The following DOCK8 variants were observed in gnomAD, a reference collection of about 807,000 sequenced individuals.
The protein encoded by DOCK8 is dedicator of cytokinesis 8, also known as dedicator of cytokinesis protein 8.
Under a neutral mutation model 245.6 loss-of-function variants are expected in DOCK8, and 141 were observed. The ratio of observed to expected loss-of-function variants is 0.57; its 90% CI spans 0.50 to 0.66. The LOEUF (loss-of-function observed/expected upper bound fraction) is 0.66, where lower values mean the gene tolerates loss of function less well. DOCK8 is among the 30% of genes least tolerant of loss of function. The pLI is 0.00. For missense variants in DOCK8, 2,965 were observed against 2,603.4 expected, an observed-to-expected ratio of 1.14 and a Z score of -3.02; for synonymous variants, 1,168 against 970.2, an observed-to-expected ratio of 1.20 and a Z score of -3.79.
intron 18 of DOCK8, among the ~76,000 whole-genome samples, chr9:374,775 T>G (rs2053454389): frequency 6.6e-6 from 1 of 152,064 alleles, no homozygotes; most frequent in African/African-American, 2.4e-5. Context: ...CCCTTTTTAC[T>G]TTTTTAATGT....
rs2055016674 is a variant in DOCK8, at chr9:400,947, TCA to T, written c.3234+1690_3234+1691del. Among the ~76,000 whole-genome samples, 46 of 28,512 alleles carry T rather than the reference TCA, an allele frequency of 1.6e-3. 3 individuals are homozygous for T. The African/African-American group carries it at 0.02, about 12-fold the overall frequency. 18.7% of individuals were successfully genotyped at this position (28,512 alleles called of 152,430 possible). On this transcript the variant is annotated intron_variant, in intron 26 of 47. Transcript: ENST00000432829. ...ATCACCACAACATCCACCACCACCA[TCA>T]CCACCACCACCACCACCTCCTCCAC... is the stretch of plus-strand genomic sequence containing the variant.
chr9:306,591 A>C (rs545549711), intron 5 of DOCK8, among the ~76,000 whole-genome samples: 13 of 152,288 alleles, frequency 8.5e-5, no homozygotes, highest in African/African-American at 3.1e-4. Context: ...GAAACAGCAC[A>C]CCAGCCTGGG....
At chr9:384,203 G>T (rs571230541) in intron 22 of DOCK8, among the ~76,000 whole-genome samples, 14 of 152,138 alleles carry the variant, frequency 9.2e-5, no homozygotes, top group Admixed American at 7.9e-4. Context: ...TAAAGATTAT[G>T]ATATTATTCA....
At chr9:328,198 A>T in intron 9 of DOCK8, 27 bp downstream of exon 9, 1 of 1,603,802 alleles carries the variant, frequency 6.2e-7, no homozygotes, top group Non-Finnish European at 8.5e-7. Flanking sequence ...TGATTTGCCC[A>T]ATCTGATGTT....
chr9:399,265 T>TG lies in DOCK8; in HGVS notation c.3234+7dup. ...TCAGACATTATTGCAGCCAGGTGAGTGTCCCCCCCACCCCCACCCCCGAGC... is the reference window on the plus strand; with the variant it reads ...TCAGACATTATTGCAGCCAGGTGAGTGGTCCCCCCCACCCCCACCCCCGAGC... On this transcript the variant is annotated splice_region_variant and intron_variant, in intron 26 of 47. Coordinates refer to ENST00000432829, the MANE Select transcript of DOCK8 (RefSeq NM_203447.4). The TG allele has an allele frequency of 4.4e-6, 7 of 1,595,090 alleles. No individual in the cohort carries two copies. The highest frequency in any genetic ancestry group is 6.0e-6 in the Non-Finnish European group (7 of 1,171,510).
At chr9:230,497 A>T (rs1034153823) in intron 1 of DOCK8, among the ~76,000 whole-genome samples, 40 of 152,184 alleles carry the variant, frequency 2.6e-4, no homozygotes, top group Middle Eastern at 3.4e-3. Context: ...CAATGGTTGA[A>T]TTAGTTTACA....
At chr9:444,906 T>TG (rs2057203835) in intron 43 of DOCK8, among the ~76,000 whole-genome samples, 3 of 152,216 alleles carry the variant, frequency 2.0e-5, no homozygotes, top group Non-Finnish European at 4.4e-5. Flanking sequence ...GTGCAAGGTA[T>TG]CATTAAGGGC....
rs549527510 is a variant in DOCK8, at chr9:457,341, T to G, written c.6068+5224T>G. ...CCCAGATGTAAAATCGGAATAATAA[T>G]TGTACCTCTCCCTTGCAGTTAGTGA... is the stretch of plus-strand genomic sequence containing the variant. On this transcript the variant is annotated intron_variant, in intron 46 of 47. Transcript: ENST00000432829. Among the ~76,000 whole-genome samples, 4 of 152,296 alleles carry G rather than the reference T, an allele frequency of 2.6e-5. No homozygotes were observed. In the East Asian group the frequency reaches 7.7e-4, roughly 29 times the overall value.
In DOCK8 at chr9:391,821, C is replaced by CTTTTTTTTT. The variant is rs373810616; in HGVS notation, c.2970+1270_2970+1278dup. On this transcript the variant is annotated intron_variant, in intron 24 of 47. Transcript: ENST00000432829. Reference sequence around the variant, plus strand: ...CTTTCCCCTGTCCCATTAAGTGAATCTTTTTTTTTTTTTTTTTTTTTTTAA... The same window carrying CTTTTTTTTT: ...CTTTCCCCTGTCCCATTAAGTGAATCTTTTTTTTTTTTTTTTTTTTTTTTTTTTTTTTAA... 1.4e-4 allele frequency among the ~76,000 whole-genome samples: 16 copies of CTTTTTTTTT among 116,278 alleles called. 1 individual carries two copies. The highest frequency in any genetic ancestry group is 4.7e-4 in the African/African-American group (15 of 32,222). The allele number at this position is 116,278 out of a possible 152,430, so 76.3% of individuals were successfully genotyped here. A position where few individuals can be genotyped will look rare whatever the true frequency, so the allele number is the denominator to read the frequency against.
At chr9:281,695 GA>G (rs1295650221) in intron 2 of DOCK8, among the ~76,000 whole-genome samples, 5 of 151,892 alleles carry the variant, frequency 3.3e-5, no homozygotes, top group Non-Finnish European at 1.5e-5. Flanking sequence ...GCCTACTCTT[GA>G]GATTAAGACT....
intron 14 of DOCK8, among the ~76,000 whole-genome samples, chr9:353,103 G>A (rs1255935473): frequency 6.6e-6 from 1 of 152,182 alleles, no homozygotes; most frequent in East Asian, 1.9e-4. Flanking sequence ...GCAAATCCCA[G>A]TCTCCTAAGA....
At chr9:369,714 T>C (rs1471377803) in intron 15 of DOCK8, 1 of 166,120 alleles carries the variant, frequency 6.0e-6, no homozygotes, top group Non-Finnish European at 1.3e-5. Flanking sequence ...ATGTGGCCTT[T>C]GGTCACTAAT....
chr9:302,926 G>C (rs922497368), intron 4 of DOCK8, among the ~76,000 whole-genome samples: 2 of 151,670 alleles, frequency 1.3e-5, no homozygotes, highest in African/African-American at 4.8e-5. Context: ...CCAGGAGGTT[G>C]AGACCAGCCT....
intron 17 of DOCK8, 37 bp from the exon 18 acceptor site, chr9:372,148 A>G (rs183278239): frequency 2.9e-4 from 449 of 1,562,864 alleles, no homozygotes; most frequent in Non-Finnish European, 3.9e-4. Flanking sequence ...ATATGCTGTA[A>G]TAAATACCAC....
intron 4 of DOCK8, among the ~76,000 whole-genome samples, chr9:292,675 C>T (rs2049097395): frequency 6.6e-6 from 1 of 151,848 alleles, no homozygotes; most frequent in Non-Finnish European, 1.5e-5. Context: ...GATATTAAGC[C>T]TTGTCTACCA....
Position 340,189 on chromosome 9 carries a change from C to T in DOCK8, c.1547C>T (p.Pro516Leu), listed in dbSNP as rs1250759793. The change falls in exon 14 of 48, where the codon CCA becomes CTA. Residue 516 changes from proline (P) to leucine (L), a missense_variant. Pro to Leu is a moderately conservative substitution (Grantham distance 98, BLOSUM62 -3). Coordinates refer to ENST00000432829, the MANE Select transcript of DOCK8 (RefSeq NM_203447.4). Reference protein sequence around the residue: ...GLLRLEISTAPEIINCCLTPE... With the variant: ...GLLRLEISTALEIINCCLTPE... ...CTAAGACTGGAGATTTCTACAGCTC[C>T]AGAGATCATCAATTGCTGTCTGACT... is the stretch of plus-strand genomic sequence containing the variant. The T allele has an allele frequency of 6.2e-7, 1 of 1,614,114 alleles. No homozygotes were observed. Among genetic ancestry groups the T allele is most frequent in the Admixed American group, 1.7e-5 (1 of 60,014 alleles).
At chr9:283,332 G>A (rs1361830476) in intron 2 of DOCK8, among the ~76,000 whole-genome samples, 1 of 152,192 alleles carries the variant, frequency 6.6e-6, no homozygotes, top group African/African-American at 2.4e-5. Context: ...GACGCCACAA[G>A]TGGAAAATTC....
intron 1 of DOCK8, among the ~76,000 whole-genome samples, chr9:243,162 C>G (rs1266703258): frequency 2.0e-5 from 3 of 152,140 alleles, no homozygotes; most frequent in Non-Finnish European, 1.5e-5. Flanking sequence ...GGGGCTTAAT[C>G]AACTCAGTGG....
chr9:432,379 T>G, intron 37 of DOCK8, 55 bp downstream of exon 37: 1 of 1,528,700 alleles, frequency 6.5e-7, no homozygotes, highest in Admixed American at 1.7e-5. Context: ...TGCCAACTAT[T>G]GTGTATGTAT....
Sources: gnomAD v4.1 joint callset for allele counts (sites outside exome capture counted in the v4.1 genomes callset) on GRCh38, gnomAD v4.1.1 for gene constraint, MANE v1.5 for transcripts, NCBI Gene and HGNC (gene_info 2026-07-23, HGNC 2026-07-21) for gene names.